The following MYT1L variants were observed in gnomAD, a reference collection of about 807,000 sequenced individuals.
The protein encoded by MYT1L is myelin transcription factor 1 like, also known as myelin transcription factor 1-like protein.
A neutral mutation model predicts 126.7 loss-of-function variants in MYT1L; 12 were observed. That is an observed-to-expected ratio of 0.09 (90% CI 0.06 to 0.15). The LOEUF is 0.15. Ranked by LOEUF, MYT1L falls within the 10% of genes least tolerant of loss-of-function variation. MYT1L has a pLI of 1.00. For missense variants in MYT1L, 979 were observed against 1,585.2 expected (o/e 0.62, Z 6.49); for synonymous variants, 541 against 604.2 (o/e 0.90, Z 1.53).
At chr2:2,016,078 T>C (rs1361166977) in intron 4 of MYT1L, among the ~76,000 whole-genome samples, 1 of 152,248 alleles carries the variant, frequency 6.6e-6, no homozygotes, top group Non-Finnish European at 1.5e-5. Flanking sequence ...GCATTCATCT[T>C]GGGTCAGCTA....
At chr2:1,932,478 T>C (rs1451051006) in intron 9 of MYT1L, among the ~76,000 whole-genome samples, 1 of 152,214 alleles carries the variant, frequency 6.6e-6, no homozygotes, top group African/African-American at 2.4e-5. Context: ...CAGCTGTTTA[T>C]TGTCACACTT....
In MYT1L at chr2:1,917,451, G is replaced by A; in HGVS notation, c.1484-112C>T. The A allele has an allele frequency of 7.6e-7, 1 of 1,322,516 alleles. No homozygotes were observed. Among genetic ancestry groups the A allele is most frequent in the Non-Finnish European group, 1.0e-6 (1 of 963,320 alleles). 81.9% of individuals were successfully genotyped at this position (1,322,516 alleles called of 1,614,324 possible). On this transcript the variant is annotated intron_variant, in intron 10 of 24. Transcript: ENST00000647738. This position sits in a 1 kb window ranked among gnomAD's most constrained non-coding sequence, Gnocchi z 5.9. ...AAAGAAAGAAATAAAGCAGGTGTCG[G>A]GGGCTAGGCTGTGACATCAGACTTT...
chr2:2,134,368 C>G (rs1025541965), intron 3 of MYT1L, among the ~76,000 whole-genome samples: 9 of 152,204 alleles, frequency 5.9e-5, no homozygotes, highest in Admixed American at 2.6e-4. Context: ...CCCTGAAATC[C>G]ACTTTTACAG....
intron 4 of MYT1L, among the ~76,000 whole-genome samples, chr2:2,021,541 C>T (rs897014386): frequency 6.6e-6 from 1 of 152,102 alleles, no homozygotes; most frequent in Non-Finnish European, 1.5e-5. Flanking sequence ...TTATCTGGGG[C>T]CCTTCTGATC....
At chr2:2,239,966 C>T (rs776879906) in intron 2 of MYT1L, among the ~76,000 whole-genome samples, 2 of 152,082 alleles carry the variant, frequency 1.3e-5, no homozygotes, top group Admixed American at 6.6e-5. Flanking sequence ...CTTTTTCCTC[C>T]TTTGTCTCTA....
intron 1 of MYT1L, among the ~76,000 whole-genome samples, chr2:2,316,618 C>T (rs780472528): frequency 1.2e-4 from 19 of 152,132 alleles, no homozygotes; most frequent in Non-Finnish European, 2.1e-4. Context: ...AGAGCTGCCA[C>T]GGCACGTACG....
intron 3 of MYT1L, among the ~76,000 whole-genome samples, chr2:2,169,213 T>C (rs951213323): frequency 1.3e-5 from 2 of 152,218 alleles, no homozygotes; most frequent in African/African-American, 2.4e-5. Flanking sequence ...TGCTGGACAC[T>C]GAACTACTTA....
At chr2:1,991,418 CCT>C (rs975323223) in intron 5 of MYT1L, among the ~76,000 whole-genome samples, 4 of 152,206 alleles carry the variant, frequency 2.6e-5, no homozygotes, top group Admixed American at 6.5e-5. Context: ...CCCCTCAGCC[CCT>C]GAGACTCTGG....
intron 18 of MYT1L, among the ~76,000 whole-genome samples, chr2:1,873,909 T>C (rs1187400448): frequency 6.6e-6 from 1 of 152,162 alleles, no homozygotes; most frequent in Non-Finnish European, 1.5e-5. Flanking sequence ...TTCCATCTAA[T>C]GACCACCACC....
At chr2:1,849,747 G>C (rs990064987) in intron 19 of MYT1L, among the ~76,000 whole-genome samples, 1 of 152,250 alleles carries the variant, frequency 6.6e-6, no homozygotes, top group African/African-American at 2.4e-5. Context: ...CAAGTTGCAT[G>C]CTTCATTTTT....
At chr2:2,325,006 T>A (rs1437699806) in intron 1 of MYT1L, 2 of 152,392 alleles carry the variant, frequency 1.3e-5, no homozygotes, top group African/African-American at 4.8e-5. Context: ...GAGCAGAATG[T>A]GTATCATGAG....
chr2:2,102,228 T>C lies in MYT1L; in HGVS notation c.-303-48105A>G, dbSNP rs140938671. Among the ~76,000 whole-genome samples, 374 of 152,334 alleles carry C rather than the reference T, an allele frequency of 2.5e-3. 1 individual carries two copies. The highest frequency in any genetic ancestry group is 8.5e-3 in the African/African-American group (354 of 41,566). On this transcript the variant is annotated intron_variant, in intron 3 of 24. Coordinates refer to ENST00000647738, the MANE Select transcript of MYT1L (RefSeq NM_001303052.2). ...TTGGCAAGATACTGGCAAACTGCCATGTGCATAATTGGTGCTTAATAAATG... is the reference window on the plus strand; with the variant it reads ...TTGGCAAGATACTGGCAAACTGCCACGTGCATAATTGGTGCTTAATAAATG...
chr2:1,976,002 C>T (rs1002030456), intron 8 of MYT1L, among the ~76,000 whole-genome samples: 3 of 151,874 alleles, frequency 2.0e-5, no homozygotes, highest in Admixed American at 6.6e-5. Context: ...TACATCAACA[C>T]CTCAAAGTAC....
intron 21 of MYT1L, among the ~76,000 whole-genome samples, chr2:1,810,532 T>C (rs2036447063): frequency 6.6e-6 from 1 of 152,238 alleles, no homozygotes; most frequent in Non-Finnish European, 1.5e-5. Flanking sequence ...AGATGGACCG[T>C]GTCCGTAAGT....
In MYT1L at chr2:2,230,558, C is replaced by T. The variant is rs111921995; in HGVS notation, c.-421+53846G>A. Among the ~76,000 whole-genome samples, 1,099 of 152,282 alleles carry T rather than the reference C, an allele frequency of 7.2e-3. 2 individuals carry two copies. The highest frequency in any genetic ancestry group is 0.011 in the Admixed American group (161 of 15,302). ...TGGCCAACTCCCTGAGCTCTGCCAT[C>T]GCCACTGGCAAGCTGCATGCCTGCA... On this transcript the variant is annotated intron_variant, in intron 2 of 24. Coordinates refer to ENST00000647738, the MANE Select transcript of MYT1L (RefSeq NM_001303052.2).
Position 1,943,047 on chromosome 2 carries a change from T to G in MYT1L, c.440A>C (p.Glu147Ala). ...TTCCTCTTCTTCATCCTCCACATCT[T>G]CTCCATCCTCGTCATCGTCCTCATC... ...EEDEDDDEDG[E>A]DVEDEEEEEE... is the part of the protein sequence containing the mutation. Residue 147 changes from glutamate (E) to alanine (A), a missense_variant, in exon 9 of 25, where the codon GAA (glutamate) becomes GCA (alanine). Physicochemically the swap from Glu to Ala is moderately radical, Grantham distance 107. This residue lies in a region of MYT1L where 111 missense variants were observed against 115.9 expected (regional missense o/e 0.96). Transcript: ENST00000647738. This position sits in a 1 kb window ranked among gnomAD's most constrained non-coding sequence, Gnocchi z 4.4. 6.7e-7 allele frequency: 1 copy of G among 1,490,956 alleles called. No individual in the cohort carries two copies. Among genetic ancestry groups the G allele is most frequent in the Non-Finnish European group, 9.2e-7 (1 of 1,091,820 alleles). 92.4% of individuals were successfully genotyped at this position (1,490,956 alleles called of 1,614,324 possible).
At chr2:2,253,164 G>T (rs1365531221) in intron 2 of MYT1L, among the ~76,000 whole-genome samples, 2 of 152,100 alleles carry the variant, frequency 1.3e-5, no homozygotes, top group Non-Finnish European at 2.9e-5. Context: ...AAAAGAGAAG[G>T]AAACATCATT....
At chr2:2,290,865 A>G (rs1466409534) in intron 1 of MYT1L, among the ~76,000 whole-genome samples, 2 of 152,148 alleles carry the variant, frequency 1.3e-5, no homozygotes, top group African/African-American at 4.8e-5. Context: ...GGCTCAAAAG[A>G]AATCCCCAGA....
chr2:1,966,489 C>T (rs1025921727), intron 8 of MYT1L, among the ~76,000 whole-genome samples: 2 of 152,164 alleles, frequency 1.3e-5, no homozygotes, highest in Admixed American at 6.5e-5. Context: ...TGGAGAGAGG[C>T]TCTTCTGGAA....
Sources: gnomAD v4.1 joint callset for allele counts (sites outside exome capture counted in the v4.1 genomes callset) on GRCh38, gnomAD v4.1.1 for gene constraint, gnomAD v4.1.1 regional missense constraint, Gnocchi (gnomAD v3.1) non-coding constraint, MANE v1.5 for transcripts, NCBI Gene and HGNC (gene_info 2026-07-23, HGNC 2026-07-21) for gene names.